The following PDILT variants were observed in gnomAD, a reference collection of about 807,000 sequenced individuals.
PDILT encodes the protein protein disulfide isomerase like, testis expressed.
PDILT carries 43 observed loss-of-function variants against 53.7 expected under a neutral mutation model. That is an observed-to-expected ratio of 0.80 (90% confidence interval 0.63 to 1.03). PDILT has a LOEUF of 1.03. Among genes scored for constraint, PDILT ranks in the 50% least tolerant of loss-of-function variants. PDILT has a pLI of 0.00. For missense variants in PDILT, 727 were observed against 712.3 expected (o/e 1.02, Z -0.24); for synonymous variants, 282 against 274.2 (o/e 1.03, Z -0.28).
intron 2 of PDILT, among the ~76,000 whole-genome samples, chr16:20,396,364 G>A (rs528721249): frequency 1.8e-4 from 28 of 152,344 alleles, no homozygotes; most frequent in African/African-American, 6.7e-4. Flanking sequence ...TTCAGGTTAA[G>A]AGAGATTCTT....
At chr16:20,376,239 T>G in intron 3 of PDILT, 38 bp from the exon 4 acceptor site, 1 of 1,610,162 alleles carries the variant, frequency 6.2e-7, no homozygotes, top group African/African-American at 1.3e-5. Context: ...CCAGAGAAGT[T>G]TCCTCTTGAA....
chr16:20,383,524 GA>G (rs1966490526), intron 3 of PDILT, among the ~76,000 whole-genome samples: 1 of 150,702 alleles, frequency 6.6e-6, no homozygotes, highest in South Asian at 2.1e-4. Context: ...GCCCTTAGGT[GA>G]TTGCTCCGAG....
chr16:20,394,417 G>T lies in PDILT; in HGVS notation c.202+4682C>A, dbSNP rs111443822. 3.0e-3 allele frequency among the ~76,000 whole-genome samples: 462 copies of T among 152,246 alleles called. 3 individuals are homozygous for T. The highest frequency in any genetic ancestry group is 0.011 in the African/African-American group (441 of 41,526). Reference sequence around the variant, plus strand: ...AATGTGACTAAAGGAAGGCAATATTGTGGGTTCCCCAGGCCTGGTTTCTTT... The same window carrying T: ...AATGTGACTAAAGGAAGGCAATATTTTGGGTTCCCCAGGCCTGGTTTCTTT... On this transcript the variant is annotated intron_variant, in intron 2 of 11. Coordinates refer to ENST00000302451, the MANE Select transcript of PDILT (RefSeq NM_174924.2).
In PDILT at chr16:20,376,070, G is replaced by A. The variant is rs1017461785; in HGVS notation, c.541C>T (p.Gln181Ter). The A allele has an allele frequency of 6.2e-7, 1 of 1,613,922 alleles. No homozygotes were observed. The highest frequency in any genetic ancestry group is 8.5e-7 in the Non-Finnish European group (1 of 1,179,978). Residue 181 changes from glutamine to a stop codon, truncating the protein, a stop_gained and splice_region_variant, in exon 4 of 12, where the codon CAG becomes TAG. Coordinates refer to ENST00000302451, the MANE Select transcript of PDILT (RefSeq NM_174924.2). LOFTEE classifies it high-confidence loss of function. The part of the protein sequence containing the change: ...SRPLVIVGFF[Q>*]DLEEEVAELF... ...CTCCCACCTCTTGGTCCCAGTACCT[G>A]GAAGAAGCCAACGATGACCAAGGGC...
chr16:20,372,970 G>A (rs1966328343), intron 6 of PDILT, 42 bp downstream of exon 6: 2 of 1,613,392 alleles, frequency 1.2e-6, no homozygotes, highest in African/African-American at 1.3e-5. Flanking sequence ...CACACACAGT[G>A]GCCCCAGCTC....
At chr16:20,392,195 T>C (rs1057385955) in intron 2 of PDILT, among the ~76,000 whole-genome samples, 9 of 151,914 alleles carry the variant, frequency 5.9e-5, no homozygotes, top group Admixed American at 3.3e-4. Flanking sequence ...CATGTGAGAG[T>C]AGAAGAATCA....
chr16:20,381,231 G>A (rs1966457032), intron 3 of PDILT, among the ~76,000 whole-genome samples: 1 of 152,228 alleles, frequency 6.6e-6, no homozygotes, highest in African/African-American at 2.4e-5. Context: ...AGTGTCCTAA[G>A]AGGAGTTTTC....
intron 8 of PDILT, among the ~76,000 whole-genome samples, chr16:20,368,754 C>T (rs541615524): frequency 2.6e-5 from 4 of 152,010 alleles, no homozygotes; most frequent in Non-Finnish European, 5.9e-5. Context: ...CACCACCACA[C>T]CTGGCTAATT....
At chr16:20,404,293 A>T (rs1439987421) in intron 1 of PDILT, among the ~76,000 whole-genome samples, 2 of 152,218 alleles carry the variant, frequency 1.3e-5, no homozygotes, top group Non-Finnish European at 2.9e-5. Context: ...ACCCAAACCC[A>T]GTAGGTTCTA....
intron 9 of PDILT, among the ~76,000 whole-genome samples, chr16:20,363,988 C>G (rs988981016): frequency 1.3e-5 from 2 of 152,188 alleles, no homozygotes; most frequent in African/African-American, 4.8e-5. Context: ...AGCCCCCAGA[C>G]ACACCACTTT....
intron 2 of PDILT, among the ~76,000 whole-genome samples, chr16:20,394,641 G>A (rs1194784498): frequency 6.6e-6 from 1 of 152,196 alleles, no homozygotes; most frequent in Admixed American, 6.5e-5. Flanking sequence ...ATGAAACCTG[G>A]GAGTCTGCAT....
intron 9 of PDILT, among the ~76,000 whole-genome samples, chr16:20,363,283 A>G (rs1244141848): frequency 6.6e-6 from 1 of 152,174 alleles, no homozygotes; most frequent in African/African-American, 2.4e-5. Context: ...AGATCCTTCC[A>G]TCTCAGCTTC....
At chr16:20,377,416 T>C (rs926027143) in intron 3 of PDILT, among the ~76,000 whole-genome samples, 1 of 152,228 alleles carries the variant, frequency 6.6e-6, no homozygotes, top group East Asian at 1.9e-4. Flanking sequence ...GAGTGCTTAC[T>C]ATCAAGTGCT....
intron 2 of PDILT, among the ~76,000 whole-genome samples, chr16:20,398,033 C>T (rs1224407665): frequency 6.6e-6 from 1 of 152,174 alleles, no homozygotes; most frequent in Non-Finnish European, 1.5e-5. Flanking sequence ...GGGCAAATTG[C>T]TGATCCTTTC....
Position 20,384,846 on chromosome 16 carries a change from G to A in PDILT, c.208C>T (p.Pro70Ser), listed in dbSNP as rs748262367. 3.1e-6 allele frequency: 5 copies of A among 1,614,132 alleles called. No homozygotes were observed. The highest frequency in any genetic ancestry group is 4.2e-6 in the Non-Finnish European group (5 of 1,180,012). Residue 70 changes from proline (P) to serine (S), a missense_variant, in exon 3 of 12, where the codon CCA (proline) becomes TCA (serine). By Grantham distance (74) the Pro-to-Ser change is moderately conservative (BLOSUM62 -1). Coordinates refer to ENST00000302451, the MANE Select transcript of PDILT (RefSeq NM_174924.2). ...AAGTTCCTGGATTGCTTTGAGGATG[G>A]GTTGTCTGAAAGAGTATGAAGACAA... ...TRFLMVLFHN[P>S]SSKQSRNLAE...
At chr16:20,370,908 A>G (rs1215595077) in intron 7 of PDILT, among the ~76,000 whole-genome samples, 2 of 152,218 alleles carry the variant, frequency 1.3e-5, no homozygotes, top group Non-Finnish European at 2.9e-5. Flanking sequence ...TATATGGTCT[A>G]AAAAGGGGAA....
chr16:20,361,044 A>G (rs992696060), intron 10 of PDILT, among the ~76,000 whole-genome samples: 1 of 152,208 alleles, frequency 6.6e-6, no homozygotes, highest in Non-Finnish European at 1.5e-5. Context: ...GAAGTATTGA[A>G]AACAGCGCCT....
Position 20,384,812 on chromosome 16 carries a change from T to C in PDILT, c.242A>G (p.Glu81Gly). 3 of 1,614,176 alleles carry C rather than the reference T, an allele frequency of 1.9e-6. No individual in the cohort carries two copies. Among genetic ancestry groups the C allele is most frequent in the Non-Finnish European group, 2.5e-6 (3 of 1,180,024 alleles). ...SSKQSRNLAE[E>G]LGKAVEIMGK... is the part of the protein sequence containing the mutation. ...CATGATCTCCACAGCTTTGCCCAGC[T>C]CTTCCGCCAAGTTCCTGGATTGCTT... Residue 81 changes from glutamate to glycine, a missense_variant, in exon 3 of 12, where the codon GAG (glutamate) becomes GGG (glycine). Physicochemically the swap from Glu to Gly is moderately conservative, Grantham distance 98. Coordinates refer to ENST00000302451, the MANE Select transcript of PDILT (RefSeq NM_174924.2).
intron 3 of PDILT, among the ~76,000 whole-genome samples, chr16:20,381,271 AG>A (rs1380386736): frequency 3.3e-5 from 5 of 152,206 alleles, no homozygotes; most frequent in Non-Finnish European, 7.3e-5. Context: ...AGATGCGTAA[AG>A]CACTGTCTCC....
Sources: gnomAD v4.1 joint callset for allele counts (sites outside exome capture counted in the v4.1 genomes callset) on GRCh38, gnomAD v4.1.1 for gene constraint, MANE v1.5 for transcripts, NCBI Gene and HGNC (gene_info 2026-07-23, HGNC 2026-07-21) for gene names.